NCAPG: variants seen among roughly 807,000 people sequenced by gnomAD.
The protein encoded by NCAPG is condensin complex subunit 3.
NCAPG carries 69 observed loss-of-function variants against 113.1 expected under a neutral mutation model. The observed-to-expected ratio is 0.61, with a 90% CI of 0.50 to 0.75. The LOEUF (loss-of-function observed/expected upper bound fraction) is 0.75. Among genes scored for constraint, NCAPG ranks in the 30% least tolerant of loss-of-function variants. NCAPG has a pLI of 0.00. For synonymous variants in NCAPG, 370 were observed against 415.8 expected (o/e 0.89, Z 1.34); for missense variants, 1,058 against 1,177.0 (o/e 0.90, Z 1.48).
rs1179509587 is a variant in NCAPG at position 17,843,563 on chromosome 4, G to C, written c.*138G>C. ...CTGCTGTGCGCTTCCACGTTACTTT[G>C]GCCTGTATTAAAGCAGTAGAGCAGC... is the stretch of plus-strand genomic sequence containing the variant. On this transcript the variant is annotated 3_prime_UTR_variant, in exon 21 of 21. Coordinates refer to ENST00000251496, the MANE Select transcript of NCAPG (RefSeq NM_022346.5). The C allele has an allele frequency of 9.6e-6, 9 of 935,826 alleles. No individual in the cohort carries two copies. The highest frequency in any genetic ancestry group is 8.5e-5 in the South Asian group (5 of 58,972). 58.0% of individuals were successfully genotyped at this position (935,826 alleles called of 1,614,324 possible). A position where few individuals can be genotyped will look rare whatever the true frequency, so the allele number is the denominator to read the frequency against.
intron 7 of NCAPG, among the ~76,000 whole-genome samples, chr4:17,819,158 C>T (rs1418159030): frequency 6.6e-6 from 1 of 151,920 alleles, no homozygotes; most frequent in Non-Finnish European, 1.5e-5. Flanking sequence ...GATACTGTTA[C>T]AGTCTTAACA....
chr4:17,817,815 G>A, intron 6 of NCAPG, 124 bp from the exon 7 acceptor site: 2 of 935,862 alleles, frequency 2.1e-6, no homozygotes, highest in Non-Finnish European at 1.5e-6. Context: ...ATACATTAAT[G>A]ACTCTAATTA....
chr4:17,837,918 A>G (rs1408973118), intron 16 of NCAPG, 117 bp downstream of exon 16: 3 of 1,061,726 alleles, frequency 2.8e-6, no homozygotes, highest in Admixed American at 4.3e-5. Context: ...TCTCAAGCAT[A>G]TACCACAAAG....
At chr4:17,823,597 A>G (rs527406900) in intron 8 of NCAPG, 50 bp from the exon 9 acceptor site, 2 of 1,528,010 alleles carry the variant, frequency 1.3e-6, no homozygotes, top group East Asian at 2.3e-5. Flanking sequence ...TGTTAGAGAT[A>G]AAACATGTTT....
At chr4:17,814,727 A>G in intron 3 of NCAPG, 126 bp from the exon 4 acceptor site, 1 of 1,075,662 alleles carries the variant, frequency 9.3e-7, no homozygotes, top group Non-Finnish European at 1.3e-6. Context: ...TATAGGCAGT[A>G]GCCATCATGC....
At chr4:17,830,699 C>T (rs1027383245) in intron 12 of NCAPG, among the ~76,000 whole-genome samples, 20 of 151,842 alleles carry the variant, frequency 1.3e-4, no homozygotes, top group African/African-American at 4.8e-4. Context: ...CAAGAGGTAG[C>T]ATGGTATAAG....
At chr4:17,825,194 T>A in intron 10 of NCAPG, 137 bp downstream of exon 10, 1 of 809,782 alleles carries the variant, frequency 1.2e-6, no homozygotes, top group Non-Finnish European at 1.9e-6. Context: ...TAAGAATATT[T>A]AAAATGTTAC....
In NCAPG at chr4:17,823,639, G is replaced by C; in HGVS notation, c.1260-8G>C. 6.2e-7 allele frequency: 1 copy of C among 1,601,036 alleles called. No individual in the cohort carries two copies. The highest frequency in any genetic ancestry group is 8.5e-7 in the Non-Finnish European group (1 of 1,173,294). ...AATAATATTTAAATTAGTTCTTTTTGACTGCAGAAAAAAACTGCTGGCTGT... is the reference window on the plus strand; with the variant it reads ...AATAATATTTAAATTAGTTCTTTTTCACTGCAGAAAAAAACTGCTGGCTGT... On this transcript the variant is annotated splice_polypyrimidine_tract_variant and splice_region_variant and intron_variant, in intron 8 of 20. Transcript: ENST00000251496.
intron 19 of NCAPG, chr4:17,841,288 A>G (rs1380116075): frequency 6.6e-6 from 1 of 152,006 alleles, no homozygotes; most frequent in East Asian, 1.9e-4. Context: ...AAACTACTAT[A>G]AGGAACACTA....
intron 14 of NCAPG, 149 bp from the exon 15 acceptor site, chr4:17,837,010 A>C: frequency 1.7e-6 from 1 of 597,562 alleles, no homozygotes; most frequent in Non-Finnish European, 2.8e-6. Flanking sequence ...GCTTTGAAGA[A>C]ACAGTCTTTT....
At chr4:17,827,931 A>G (rs539275038) in intron 11 of NCAPG, among the ~76,000 whole-genome samples, 1 of 150,970 alleles carries the variant, frequency 6.6e-6, no homozygotes, top group African/African-American at 2.4e-5. Flanking sequence ...TCGGCCTCCC[A>G]AGTAGCTGGG....
intron 6 of NCAPG, 24 bp from the exon 7 acceptor site, chr4:17,817,915 T>A: frequency 6.4e-7 from 1 of 1,573,276 alleles, no homozygotes; most frequent in East Asian, 2.3e-5. Context: ...ATGCTTTCTC[T>A]CACACTCTTT....
Position 17,840,618 on chromosome 4 carries a change from G to C in NCAPG, c.2779G>C (p.Glu927Gln). 1.3e-6 allele frequency: 2 copies of C among 1,490,928 alleles called. No individual in the cohort carries two copies. The highest frequency in any genetic ancestry group is 1.8e-6 in the Non-Finnish European group (2 of 1,119,322). The allele number at this position is 1,490,928 out of a possible 1,614,324, so 92.4% of individuals were successfully genotyped here. The change falls in exon 19 of 21, where the codon GAA (glutamate) becomes CAA (glutamine). Residue 927 changes from glutamate (E) to glutamine (Q), a missense_variant. Glu to Gln is a conservative substitution (Grantham distance 29). Transcript: ENST00000251496. Reference sequence around the variant, plus strand: ...ATTCCCTTTAATAGAAAAGAATAAAGAAGTATATATGACTCCACTCAGGGG... The same window carrying C: ...ATTCCCTTTAATAGAAAAGAATAAACAAGTATATATGACTCCACTCAGGGG... ...TFQNEDEKNK[E>Q]VYMTPLRGVK... is the part of the protein sequence containing the mutation.
At chr4:17,841,922 T>C (rs1259302530) in intron 19 of NCAPG, 1 of 162,068 alleles carries the variant, frequency 6.2e-6, no homozygotes, top group African/African-American at 2.4e-5. Context: ...TTTATGCACC[T>C]AACCTACCTT....
At chr4:17,830,448 A>G (rs182600865) in intron 12 of NCAPG, among the ~76,000 whole-genome samples, 2 of 152,040 alleles carry the variant, frequency 1.3e-5, no homozygotes, top group Non-Finnish European at 2.9e-5. Context: ...AGACTAGTAC[A>G]AAGAACAGAA....
In NCAPG at chr4:17,834,460, A is replaced by G. The variant is rs1422391177; in HGVS notation, c.2046A>G (p.Glu682=). ...GTGATGATGAGCAAGAATCAAAAGA[A>G]GTTGAAGAGACTGCTACAGCTAAGA... The part of the protein sequence containing the change: ...INSDDEQESK[E]VEETATAKNV... The change falls in exon 14 of 21, where the codon GAA becomes GAG. Residue 682 remains glutamate (E), a synonymous_variant. Transcript: ENST00000251496. 1 of 1,610,698 alleles carries G rather than the reference A, an allele frequency of 6.2e-7. No individual in the cohort carries two copies. Among genetic ancestry groups the G allele is most frequent in the Non-Finnish European group, 8.5e-7 (1 of 1,178,316 alleles).
rs1394230437 is a variant in NCAPG, at chr4:17,824,997, G to A, written c.1413G>A (p.Ala471=). ...CAGAAATTATCTCAGAGATTCGGGC[G>A]CCCATTGTTACTGTTGGTGTTAATA... ...IVTEIISEIR[A]PIVTVGVNND... The change falls in exon 10 of 21, where the codon GCG becomes GCA. Residue 471 remains alanine (A), a synonymous_variant. Coordinates refer to ENST00000251496, the MANE Select transcript of NCAPG (RefSeq NM_022346.5). 12 of 1,612,592 alleles carry A rather than the reference G, an allele frequency of 7.4e-6. No individual in the cohort carries two copies. Among genetic ancestry groups the A allele is most frequent in the South Asian group, 3.3e-5 (3 of 90,968 alleles).
At position 17,843,303 on chromosome 4, in the gene NCAPG, G is replaced by A. The variant is rs776574253; in HGVS notation, c.2926G>A (p.Asp976Asn). The A allele has an allele frequency of 6.2e-7, 1 of 1,611,030 alleles. No homozygotes were observed. Among genetic ancestry groups the A allele is most frequent in the East Asian group, 2.2e-5 (1 of 44,800 alleles). The change falls in exon 21 of 21, where the codon GAT becomes AAT. Residue 976 changes from aspartate to asparagine, a missense_variant and splice_region_variant. Transcript: ENST00000251496. ...CGTGTATTTTCAACATCTATTTAGTGATCATGAAGTTCCAGAACCAGAATC... is the reference window on the plus strand; with the variant it reads ...CGTGTATTTTCAACATCTATTTAGTAATCATGAAGTTCCAGAACCAGAATC... ...CQTAEADSES[D>N]HEVPEPESEM...
At chr4:17,834,210 A>G in intron 13 of NCAPG, 89 bp from the exon 14 acceptor site, 1 of 863,054 alleles carries the variant, frequency 1.2e-6, no homozygotes, top group Non-Finnish European at 1.7e-6. Flanking sequence ...TTGACTAAGA[A>G]AAAAACAAGA....
Sources: gnomAD v4.1 joint callset for allele counts (sites outside exome capture counted in the v4.1 genomes callset) on GRCh38, gnomAD v4.1.1 for gene constraint, MANE v1.5 for transcripts, NCBI Gene and HGNC (gene_info 2026-07-23, HGNC 2026-07-21) for gene names.